IGF1R: variants seen among roughly 807,000 people sequenced by gnomAD.
IGF1R encodes the protein insulin like growth factor 1 receptor, also known as insulin-like growth factor 1 receptor.
A neutral mutation model predicts 144.6 loss-of-function variants in IGF1R; 44 were observed. The observed-to-expected ratio is 0.30, with a 90% CI of 0.24 to 0.39. The LOEUF (loss-of-function observed/expected upper bound fraction) is 0.39, where lower values mean the gene tolerates loss of function less well. Among genes scored for constraint, IGF1R ranks in the 10% least tolerant of loss-of-function variants. The pLI, the probability that IGF1R is intolerant of heterozygous loss-of-function variation, is 1.00. For synonymous variants in IGF1R, 795 were observed against 722.8 expected, an observed-to-expected ratio of 1.10 and a Z score of -1.60; for missense variants, 1,355 against 1,833.7, an observed-to-expected ratio of 0.74 and a Z score of 4.77.
At chr15:98,943,088 C>T (rs1367766012) in intron 19 of IGF1R, 36 bp downstream of exon 19, 1 of 1,613,124 alleles carries the variant, frequency 6.2e-7, no homozygotes, top group Non-Finnish European at 8.5e-7. Context: ...AGCCTGGAGC[C>T]CCCAGCCTCT....
intron 2 of IGF1R, among the ~76,000 whole-genome samples, chr15:98,733,575 A>G (rs1309918900): frequency 6.6e-6 from 1 of 151,692 alleles, no homozygotes; most frequent in African/African-American, 2.4e-5. Flanking sequence ...AGGAGCCTCC[A>G]CTGCTATTGC....
chr15:98,941,445 T>A (rs1333203409), intron 18 of IGF1R, among the ~76,000 whole-genome samples: 1 of 151,952 alleles, frequency 6.6e-6, no homozygotes, highest in African/African-American at 2.4e-5. Flanking sequence ...TTTATAGTGA[T>A]TTTTTTTGTA....
intron 2 of IGF1R, among the ~76,000 whole-genome samples, chr15:98,761,611 T>C (rs1596278507): frequency 6.6e-6 from 1 of 152,248 alleles, no homozygotes; most frequent in Non-Finnish European, 1.5e-5. Flanking sequence ...TGTGAATGCA[T>C]GCATCTTTGC....
At position 98,916,812 on chromosome 15, in the gene IGF1R, AAGG is replaced by A; in HGVS notation, c.2144_2146del (p.Glu715del). Reference sequence around the variant, plus strand: ...AACTGAAGCCGAGAAGCAGGCCGAGAAGGAGGAGGCTGAATACCGCAAAGTCTT... The same window carrying A: ...AACTGAAGCCGAGAAGCAGGCCGAGAAGGAGGCTGAATACCGCAAAGTCTT... On this transcript the variant is annotated inframe_deletion, in exon 10 of 21. Transcript: ENST00000650285. 2 of 1,614,018 alleles carry A rather than the reference AAGG, an allele frequency of 1.2e-6. No individual in the cohort carries two copies. Among genetic ancestry groups the A allele is most frequent in the Non-Finnish European group, 1.7e-6 (2 of 1,180,014 alleles).
intron 2 of IGF1R, among the ~76,000 whole-genome samples, chr15:98,714,599 G>A (rs1364013182): frequency 6.6e-6 from 1 of 151,926 alleles, no homozygotes; most frequent in Non-Finnish European, 1.5e-5. Context: ...AGTGAGCCGT[G>A]GTTGTGCCAC....
At chr15:98,861,760 T>C (rs556788863) in intron 2 of IGF1R, among the ~76,000 whole-genome samples, 87 of 152,338 alleles carry the variant, frequency 5.7e-4, no homozygotes, top group Admixed American at 1.6e-3. Flanking sequence ...TGGCTCTTGG[T>C]ACAAGGCACG....
At chr15:98,800,324 C>T (rs1467652249) in intron 2 of IGF1R, among the ~76,000 whole-genome samples, 2 of 152,038 alleles carry the variant, frequency 1.3e-5, no homozygotes, top group East Asian at 3.9e-4. Flanking sequence ...TGAAGTTGTT[C>T]CTTATCTCAT....
intron 1 of IGF1R, among the ~76,000 whole-genome samples, chr15:98,700,171 A>T (rs1325981160): frequency 6.6e-6 from 1 of 152,168 alleles, no homozygotes; most frequent in African/African-American, 2.4e-5. Flanking sequence ...AAAGAAACCC[A>T]TGCTCTCTCT....
chr15:98,926,851 C>G (rs138438298), intron 13 of IGF1R, among the ~76,000 whole-genome samples: 7 of 152,162 alleles, frequency 4.6e-5, no homozygotes, highest in African/African-American at 7.2e-5. Flanking sequence ...CTAGTCTCAC[C>G]AGTTAGTCTA....
intron 2 of IGF1R, among the ~76,000 whole-genome samples, chr15:98,884,838 A>G (rs2013560951): frequency 6.6e-6 from 1 of 152,116 alleles, no homozygotes; most frequent in African/African-American, 2.4e-5. Flanking sequence ...TCCTGCTTAA[A>G]ATAGTATTTT....
chr15:98,944,734 C>T (rs1171130443), intron 19 of IGF1R, among the ~76,000 whole-genome samples: 1 of 152,230 alleles, frequency 6.6e-6, no homozygotes, highest in African/African-American at 2.4e-5. Context: ...CCCAGTGCAC[C>T]TGCAGATCTT....
intron 2 of IGF1R, among the ~76,000 whole-genome samples, chr15:98,872,920 G>A (rs74034264): frequency 0.01 from 1,571 of 151,832 alleles, 20 homozygotes; most frequent in African/African-American, 0.035. Flanking sequence ...ATAAATGGGC[G>A]TAGGCTGTTT....
chr15:98,750,867 G>A (rs1049485871), intron 2 of IGF1R, among the ~76,000 whole-genome samples: 5 of 152,112 alleles, frequency 3.3e-5, no homozygotes, highest in Non-Finnish European at 7.4e-5. Context: ...ACTCACTGCA[G>A]CCTCTACCTA....
chr15:98,957,513 T>C lies in IGF1R; in HGVS notation c.*71T>C, dbSNP rs926610794. ...CAGCGGGGTGGGGGGGGAGAGAGAG[T>C]TTTAACAATCCATTCACAAGCCTCC... On this transcript the variant is annotated 3_prime_UTR_variant, in exon 21 of 21. Coordinates refer to ENST00000650285, the MANE Select transcript of IGF1R (RefSeq NM_000875.5). 13 of 1,588,042 alleles carry C rather than the reference T, an allele frequency of 8.2e-6. No homozygotes were observed. The African/African-American group carries it at 1.8e-4, about 22-fold the overall frequency.
chr15:98,697,698 C>T (rs2053626168), intron 1 of IGF1R, among the ~76,000 whole-genome samples: 2 of 78,650 alleles, frequency 2.5e-5, no homozygotes, highest in Admixed American at 2.6e-4. Context: ...TCCCTCTATA[C>T]TTAAATTGTG....
chr15:98,752,149 C>G (rs534539417), intron 2 of IGF1R, among the ~76,000 whole-genome samples: 109 of 152,238 alleles, frequency 7.2e-4, no homozygotes, highest in African/African-American at 2.6e-3. Flanking sequence ...GCTCATTTAC[C>G]CTTCCAGACC....
intron 2 of IGF1R, among the ~76,000 whole-genome samples, chr15:98,767,089 T>G (rs1002284176): frequency 3.9e-5 from 6 of 152,204 alleles, no homozygotes; most frequent in African/African-American, 9.7e-5. Flanking sequence ...GATTTCCACA[T>G]GGTTCATTAG....
Position 98,960,912 on chromosome 15 carries a change from C to G in IGF1R, c.*3470C>G, listed in dbSNP as rs529019561. 4.3e-6 allele frequency: 1 copy of G among 233,992 alleles called. No homozygotes were observed. Among genetic ancestry groups the G allele is most frequent in the South Asian group, 1.8e-4 (1 of 5,542 alleles). The allele number at this position is 233,992 out of a possible 1,614,324, so 14.5% of individuals were successfully genotyped here. A position where few individuals can be genotyped will look rare whatever the true frequency, so the allele number is the denominator to read the frequency against. ...CGAGGCTCGTGGCGTCACGCCCCCC[C>G]CGCCAGGGCTGTACCTCCGTCTCCC... On this transcript the variant is annotated 3_prime_UTR_variant, in exon 21 of 21. Transcript: ENST00000650285.
intron 2 of IGF1R, chr15:98,890,246 C>G (rs948732744): frequency 1.3e-5 from 2 of 152,200 alleles, no homozygotes; most frequent in African/African-American, 4.8e-5. Flanking sequence ...TTAAGACATT[C>G]TGAGTCACAG....
Sources: allele counts gnomAD v4.1 joint callset (sites outside exome capture counted in the v4.1 genomes callset), GRCh38; gene constraint gnomAD v4.1.1; transcripts MANE v1.5; gene names NCBI Gene and HGNC (gene_info 2026-07-23, HGNC 2026-07-21).